The following FAF2 variants were observed in gnomAD, a reference collection of about 807,000 sequenced individuals.
FAF2 encodes the protein FAS-associated factor 2.
A neutral mutation model predicts 62.3 loss-of-function variants in FAF2; 9 were observed. The observed-to-expected ratio is 0.14, with a 90% confidence interval of 0.09 to 0.25. The LOEUF (loss-of-function observed/expected upper bound fraction) is 0.25, where lower values mean the gene tolerates loss of function less well. Among genes scored for constraint, FAF2 ranks in the 10% least tolerant of loss-of-function variants. The pLI, the probability that FAF2 is intolerant of heterozygous loss-of-function variation, is 1.00. For missense variants in FAF2, 368 were observed against 556.2 expected (o/e 0.66, Z 3.40); for synonymous variants, 202 against 198.0 (o/e 1.02, Z -0.17).
At position 176,454,820 on chromosome 5, in the gene FAF2, A is replaced by G. The variant is rs540013000; in HGVS notation, c.63+6350A>G. ...TTGGAGCAGATATCCTCCTTTTCCT[A>G]AACTCTATTCTGTAATATGTTCAAG... is the stretch of plus-strand genomic sequence containing the variant. On this transcript the variant is annotated intron_variant, in intron 1 of 10. Coordinates refer to ENST00000261942, the MANE Select transcript of FAF2 (RefSeq NM_014613.3). Among the ~76,000 whole-genome samples the G allele has an allele frequency of 3.9e-4, 59 of 152,174 alleles. No homozygotes were observed. In the South Asian group the frequency reaches 0.012, roughly 31 times the overall value.
chr5:176,476,180 G>A (rs1758684463), intron 1 of FAF2, among the ~76,000 whole-genome samples: 1 of 151,988 alleles, frequency 6.6e-6, no homozygotes, highest in Non-Finnish European at 1.5e-5. Context: ...GATCATTTGA[G>A]AGCGGGAGAC....
chr5:176,485,146 G>A (rs1181254779), intron 2 of FAF2, among the ~76,000 whole-genome samples: 4 of 152,102 alleles, frequency 2.6e-5, no homozygotes, highest in African/African-American at 4.8e-5. Context: ...ATTCAAGTTC[G>A]GTACTATACA....
intron 1 of FAF2, among the ~76,000 whole-genome samples, chr5:176,456,371 C>G (rs991629255): frequency 6.6e-6 from 1 of 151,722 alleles, no homozygotes; most frequent in Admixed American, 6.6e-5. Context: ...CGTGCCCGGC[C>G]CAAAATATAT....
At chr5:176,460,118 T>G (rs1758353493) in intron 1 of FAF2, among the ~76,000 whole-genome samples, 1 of 152,228 alleles carries the variant, frequency 6.6e-6, no homozygotes, top group Admixed American at 6.5e-5. Flanking sequence ...CACATTTTCT[T>G]TATTCAGATC....
At chr5:176,493,218 A>G (rs1467196665) in intron 5 of FAF2, among the ~76,000 whole-genome samples, 1 of 152,194 alleles carries the variant, frequency 6.6e-6, no homozygotes, top group East Asian at 1.9e-4. Context: ...TCATTTTCCC[A>G]CATCTGCTTT....
intron 1 of FAF2, among the ~76,000 whole-genome samples, chr5:176,478,180 A>C (rs556242171): frequency 2.0e-5 from 3 of 152,310 alleles, no homozygotes; most frequent in African/African-American, 7.2e-5. Flanking sequence ...TCTGAACGGA[A>C]ATAGTGAGAA....
intron 5 of FAF2, 38 bp from the exon 6 acceptor site, chr5:176,493,961 A>T: frequency 7.1e-7 from 1 of 1,405,726 alleles, no homozygotes; most frequent in Non-Finnish European, 1.0e-6. Flanking sequence ...CTCAAGGCAC[A>T]GTCTTCTTAA....
chr5:176,460,817 C>T (rs1052011137), intron 1 of FAF2, among the ~76,000 whole-genome samples: 3 of 151,808 alleles, frequency 2.0e-5, no homozygotes, highest in Non-Finnish European at 2.9e-5. Flanking sequence ...CCAGGCATGG[C>T]GGTGTAGGCC....
intron 10 of FAF2, among the ~76,000 whole-genome samples, chr5:176,500,917 A>G (rs1755579970): frequency 6.6e-6 from 1 of 152,142 alleles, no homozygotes; most frequent in Admixed American, 6.6e-5. Context: ...ATTTGAGGTC[A>G]GGAGTTTGAG....
intron 7 of FAF2, 57 bp from the exon 8 acceptor site, chr5:176,496,429 G>A (rs970466241): frequency 2.1e-6 from 3 of 1,402,088 alleles, no homozygotes; most frequent in Non-Finnish European, 2.9e-6. Context: ...GAAAGTCTAA[G>A]GGTTGATCTT....
chr5:176,484,092 A>G (rs951394799), intron 2 of FAF2, among the ~76,000 whole-genome samples: 13 of 151,888 alleles, frequency 8.6e-5, no homozygotes, highest in Admixed American at 6.6e-4. Flanking sequence ...AAAAAAAAGA[A>G]AAAAAGGGGG....
chr5:176,458,898 G>C (rs1053667553), intron 1 of FAF2, among the ~76,000 whole-genome samples: 6 of 151,970 alleles, frequency 3.9e-5, no homozygotes, highest in African/African-American at 1.5e-4. Flanking sequence ...CCCTTGTCCT[G>C]AAATTTCTCC....
At chr5:176,451,426 G>C (rs1758167788) in intron 1 of FAF2, among the ~76,000 whole-genome samples, 1 of 151,970 alleles carries the variant, frequency 6.6e-6, no homozygotes, top group Admixed American at 6.6e-5. Flanking sequence ...TGTCCAGGCT[G>C]CTCTCAAACT....
chr5:176,486,422 G>A lies in FAF2; in HGVS notation c.200G>A (p.Arg67Gln), dbSNP rs749063074. 9.3e-6 allele frequency: 15 copies of A among 1,613,984 alleles called. No individual in the cohort carries two copies. The highest frequency in any genetic ancestry group is 6.6e-5 in the South Asian group (6 of 91,088). Residue 67 changes from arginine to glutamine, a missense_variant, in exon 3 of 11, where the codon CGA becomes CAA. By Grantham distance (43) the Arg-to-Gln change is conservative (BLOSUM62 1). Coordinates refer to ENST00000261942, the MANE Select transcript of FAF2 (RefSeq NM_014613.3). ...AGTGTTTTCAACCCACCTCCATCAC[G>A]ACCCCTGCAGGTTAATACAGCTGAC... ...VPSVFNPPPS[R>Q]PLQVNTADHR...
chr5:176,495,854 C>CT (rs1217327129), intron 7 of FAF2, among the ~76,000 whole-genome samples: 5 of 151,844 alleles, frequency 3.3e-5, no homozygotes, highest in Non-Finnish European at 7.4e-5. Flanking sequence ...AAAAACTAAC[C>CT]TTTTTAAGGG....
intron 1 of FAF2, among the ~76,000 whole-genome samples, chr5:176,471,294 A>C (rs906114990): frequency 6.6e-6 from 1 of 151,900 alleles, no homozygotes; most frequent in Non-Finnish European, 1.5e-5. Flanking sequence ...TAAAATGTGC[A>C]TATGATCATG....
In FAF2 at chr5:176,486,361, G is replaced by T; in HGVS notation, c.139G>T (p.Val47Leu). The T allele has an allele frequency of 6.2e-7, 1 of 1,614,126 alleles. No homozygotes were observed. Among genetic ancestry groups the T allele is most frequent in the Non-Finnish European group, 8.5e-7 (1 of 1,180,014 alleles). ...EQHNWNIEAA[V>L]QDRLNEQEGV... is the part of the protein sequence containing the mutation. Reference sequence around the variant, plus strand: ...ACTCCGTTTTCCTTCTCAGGCTGCTGTACAGGACAGATTGAATGAGCAAGA... The same window carrying T: ...ACTCCGTTTTCCTTCTCAGGCTGCTTTACAGGACAGATTGAATGAGCAAGA... Residue 47 changes from valine (V) to leucine (L), a missense_variant, in exon 3 of 11, where the codon GTA becomes TTA. Coordinates refer to ENST00000261942, the MANE Select transcript of FAF2 (RefSeq NM_014613.3).
chr5:176,460,705 A>G (rs1006084132), intron 1 of FAF2, among the ~76,000 whole-genome samples: 2 of 151,942 alleles, frequency 1.3e-5, no homozygotes, highest in African/African-American at 4.8e-5. Flanking sequence ...TAATCCCAGC[A>G]CTTTGGGAGG....
At chr5:176,492,093 G>A in intron 4 of FAF2, 101 bp from the exon 5 acceptor site, 1 of 1,363,546 alleles carries the variant, frequency 7.3e-7, no homozygotes, top group South Asian at 1.2e-5. Flanking sequence ...TCCCTTTGTT[G>A]CCGTGCCTCT....
Sources: allele counts gnomAD v4.1 joint callset (sites outside exome capture counted in the v4.1 genomes callset), GRCh38; gene constraint gnomAD v4.1.1; transcripts MANE v1.5; gene names NCBI Gene and HGNC (gene_info 2026-07-23, HGNC 2026-07-21).